Variants in CAST observed in about 807,000 individuals in gnomAD.
CAST encodes calpastatin.
Under a neutral mutation model 119.6 loss-of-function variants are expected in CAST, and 76 were observed. The ratio of observed to expected loss-of-function variants is 0.64; its 90% CI spans 0.53 to 0.77. The LOEUF is 0.77. Among genes scored for constraint, CAST ranks in the 30% least tolerant of loss-of-function variants. CAST has a pLI of 0.00. For missense variants in CAST, 953 were observed against 946.5 expected (o/e 1.01, Z -0.09); for synonymous variants, 319 against 331.6 (o/e 0.96, Z 0.41).
chr5:96,677,631 A>G (rs1750865175), intron 2 of CAST, among the ~76,000 whole-genome samples: 1 of 152,214 alleles, frequency 6.6e-6, no homozygotes, highest in East Asian at 1.9e-4. Context: ...CGTTTCTGGT[A>G]AATTCACATT....
the CAST span, chr5:96,079,255 C>G: frequency 2.7e-6 from 1 of 376,912 alleles, no homozygotes; most frequent in African/African-American, 2.2e-5. Flanking sequence ...TACCCACACT[C>G]TTTGTCCTGA....
chr5:96,567,324 C>T (rs753653139), intron 1 of CAST, among the ~76,000 whole-genome samples: 37 of 152,138 alleles, frequency 2.4e-4, no homozygotes, highest in Admixed American at 5.9e-4. Flanking sequence ...ATTTATAACG[C>T]GCCCAACAGC....
the CAST span, chr5:96,392,948 C>G: frequency 2.5e-6 from 4 of 1,589,236 alleles, no homozygotes; most frequent in Non-Finnish European, 3.5e-6. Context: ...CAGGCAAAAT[C>G]GCAGGGTAAG....
intron 1 of CAST, among the ~76,000 whole-genome samples, chr5:96,555,872 G>C (rs1401484093): frequency 6.6e-6 from 1 of 152,204 alleles, no homozygotes; most frequent in Admixed American, 6.5e-5. Flanking sequence ...GCTTTGAAGA[G>C]AGTAGTGGTT....
chr5:96,360,236 A>G, the CAST span, among the ~76,000 whole-genome samples: 1 of 151,976 alleles, frequency 6.6e-6, no homozygotes, highest in Non-Finnish European at 1.5e-5. Context: ...AAATTCCTCT[A>G]ACATTTTTTC....
At chr5:96,628,049 G>A (rs1747757101) in intron 1 of CAST, among the ~76,000 whole-genome samples, 4 of 152,208 alleles carry the variant, frequency 2.6e-5, no homozygotes, top group Admixed American at 6.5e-5. Flanking sequence ...CAAACATTTA[G>A]AAAGGAAATA....
rs543164513 is a variant in CAST at position 96,576,242 on chromosome 5, G to A, written c.60+46362G>A. On this transcript the variant is annotated intron_variant, in intron 1 of 11. Coordinates refer to the CAST transcript ENST00000505143. ...GGCCAGATAAAATGAGTTGAAAAGT[G>A]TTCCTTCTTCTATTTTCTGGAGGAT... Among the ~76,000 whole-genome samples the A allele has an allele frequency of 1.6e-4, 24 of 152,290 alleles. 2 individuals are homozygous for A. The highest frequency in any genetic ancestry group is 5.8e-4 in the African/African-American group (24 of 41,556).
chr5:96,744,139 G>T (rs149806036), intron 16 of CAST, among the ~76,000 whole-genome samples: 1 of 152,324 alleles, frequency 6.6e-6, no homozygotes, highest in Non-Finnish European at 1.5e-5. Context: ...AATGTATTAA[G>T]TTCCCTCTAG....
intron 2 of CAST, among the ~76,000 whole-genome samples, chr5:96,686,893 T>C (rs929065657): frequency 6.6e-6 from 1 of 151,826 alleles, no homozygotes; most frequent in Admixed American, 6.6e-5. Flanking sequence ...AGGGGAGAAA[T>C]TATAGGGGTG....
At chr5:96,670,866 G>C (rs984669237) in intron 1 of CAST, among the ~76,000 whole-genome samples, 2 of 152,180 alleles carry the variant, frequency 1.3e-5, no homozygotes, top group African/African-American at 4.8e-5. Context: ...GTGTGTATCT[G>C]GGTAACAACA....
chr5:96,026,212 T>C, the CAST span, among the ~76,000 whole-genome samples: 2 of 152,156 alleles, frequency 1.3e-5, no homozygotes, highest in East Asian at 3.9e-4. Context: ...AGTGAGACCC[T>C]GTCTTAAATC....
the CAST span, among the ~76,000 whole-genome samples, chr5:96,427,489 T>A: frequency 6.6e-6 from 1 of 152,192 alleles, no homozygotes; most frequent in East Asian, 1.9e-4. Context: ...GGTTCCAGAA[T>A]GTTTCCTAAA....
At chr5:96,669,476 A>G (rs17398914) in intron 1 of CAST, among the ~76,000 whole-genome samples, 2 of 152,182 alleles carry the variant, frequency 1.3e-5, no homozygotes, top group Admixed American at 6.5e-5. Context: ...CATCTAGGAA[A>G]AAAAGGATAT....
At chr5:96,451,497 A>C in the CAST span, among the ~76,000 whole-genome samples, 1 of 152,212 alleles carries the variant, frequency 6.6e-6, no homozygotes, top group Non-Finnish European at 1.5e-5. Context: ...TTAACTCAAG[A>C]TGGATTAAAG....
At chr5:96,641,100 T>C (rs558096208) in intron 1 of CAST, among the ~76,000 whole-genome samples, 1 of 152,322 alleles carries the variant, frequency 6.6e-6, no homozygotes, top group East Asian at 1.9e-4. Flanking sequence ...CCTTTTACAA[T>C]GATGTTTGCC....
intron 1 of CAST, among the ~76,000 whole-genome samples, chr5:96,601,643 G>C (rs913839615): frequency 1.3e-5 from 2 of 152,084 alleles, no homozygotes; most frequent in African/African-American, 4.8e-5. Flanking sequence ...TGATACCCTG[G>C]AGCTGACATT....
chr5:96,563,240 A>G (rs950500376), intron 1 of CAST, among the ~76,000 whole-genome samples: 3 of 152,136 alleles, frequency 2.0e-5, no homozygotes, highest in African/African-American at 7.2e-5. Flanking sequence ...TCTTTGGGTC[A>G]CCATTTCCTT....
rs562233757 is a variant in CAST at position 96,531,513 on chromosome 5, A to G, written c.60+1633A>G. 1.5e-4 allele frequency among the ~76,000 whole-genome samples: 23 copies of G among 152,334 alleles called. 1 individual carries two copies. In the South Asian group the frequency reaches 4.8e-3, roughly 32 times the overall value. On this transcript the variant is annotated intron_variant, in intron 1 of 11. Transcript: ENST00000505143. ...TAGTATAAATAACATCTACCTTCCT[A>G]AGAAGCACTTTAATGTAAAATCTAT...
chr5:96,183,792 A>C, the CAST span, among the ~76,000 whole-genome samples: 1 of 152,306 alleles, frequency 6.6e-6, no homozygotes, highest in East Asian at 1.9e-4. Flanking sequence ...TTCCAATTTT[A>C]ACATTCCCTT....
Sources: allele counts gnomAD v4.1 joint callset (sites outside exome capture counted in the v4.1 genomes callset), GRCh38; gene constraint gnomAD v4.1.1; transcripts MANE v1.5; gene names NCBI Gene and HGNC (gene_info 2026-07-23, HGNC 2026-07-21).